UBE2W: variants seen among roughly 807,000 people sequenced by gnomAD.
UBE2W encodes the protein ubiquitin conjugating enzyme E2 W.
In UBE2W, 18 loss-of-function variants were observed where a neutral mutation model predicts 27.2. The observed-to-expected ratio is 0.66, with a 90% CI of 0.46 to 0.98. The LOEUF (loss-of-function observed/expected upper bound fraction) is 0.98. Ranked by LOEUF, UBE2W falls within the 50% of genes least tolerant of loss-of-function variation. The pLI, the probability that UBE2W is intolerant of heterozygous loss-of-function variation, is 0.00. For synonymous variants in UBE2W, 53 were observed against 57.2 expected, an observed-to-expected ratio of 0.93 and a Z score of 0.33; for missense variants, 90 against 180.2, an observed-to-expected ratio of 0.50 and a Z score of 2.87.
chr8:73,842,897 C>T (rs999874804), intron 1 of UBE2W, among the ~76,000 whole-genome samples: 1 of 152,114 alleles, frequency 6.6e-6, no homozygotes, highest in African/African-American at 2.4e-5. Context: ...ACATTCATAG[C>T]AGCATTATTC....
downstream of UBE2W, among the ~76,000 whole-genome samples, chr8:73,782,185 G>A (rs1329528546): frequency 2.0e-5 from 3 of 151,592 alleles, no homozygotes; most frequent in African/African-American, 4.9e-5. Context: ...TTGACCTCGT[G>A]ATCTGCCTGC....
chr8:73,798,421 C>A (rs1808510755), intron 5 of UBE2W, among the ~76,000 whole-genome samples: 1 of 152,160 alleles, frequency 6.6e-6, no homozygotes, highest in South Asian at 2.1e-4. Context: ...TATGTATATG[C>A]AAATATTCGA....
downstream of UBE2W, among the ~76,000 whole-genome samples, chr8:73,782,824 A>G (rs751150268): frequency 2.0e-5 from 3 of 152,244 alleles, no homozygotes; most frequent in African/African-American, 7.2e-5. Context: ...AGGTATGTGC[A>G]TAACTTTTAA....
chr8:73,787,974 T>C lies in UBE2W; in HGVS notation c.*6128A>G. ...GTTTAAGTGACTATCTTCATTCTGT[T>C]GCACTCATTTTGGAAATGGACATGT... is the stretch of plus-strand genomic sequence containing the variant. On this transcript the variant is annotated 3_prime_UTR_variant, in exon 6 of 6. Transcript: ENST00000602593. 1 of 985,432 alleles carries C rather than the reference T, an allele frequency of 1.0e-6. No individual in the cohort carries two copies. Among genetic ancestry groups the C allele is most frequent in the Non-Finnish European group, 1.2e-6 (1 of 829,902 alleles). 61.0% of individuals were successfully genotyped at this position (985,432 alleles called of 1,614,324 possible).
At chr8:73,806,182 A>G (rs1211108331) in intron 4 of UBE2W, among the ~76,000 whole-genome samples, 2 of 152,070 alleles carry the variant, frequency 1.3e-5, no homozygotes, top group East Asian at 3.9e-4. Context: ...AATTAAATAA[A>G]TTATAAAGGG....
exon 5 of UBE2W, chr8:73,780,368 G>T: frequency 2.6e-6 from 1 of 386,344 alleles, no homozygotes; most frequent in Admixed American, 3.0e-5. Context: ...ATTCTACTTC[G>T]GTATAACCTC....
Position 73,788,209 on chromosome 8 carries a change from C to A in UBE2W, c.*5893G>T. On this transcript the variant is annotated 3_prime_UTR_variant, in exon 6 of 6. Transcript: ENST00000602593. ...CTGCATTCAACTAACAAGTCTGATA[C>A]ATGTATTAAAAAATATATAACATAG... is the stretch of plus-strand genomic sequence containing the variant. 1 of 941,090 alleles carries A rather than the reference C, an allele frequency of 1.1e-6. No individual in the cohort carries two copies. The highest frequency in any genetic ancestry group is 1.3e-6 in the Non-Finnish European group (1 of 789,838). The allele number at this position is 941,090 out of a possible 1,614,324, so 58.3% of individuals were successfully genotyped here.
intron 1 of UBE2W, among the ~76,000 whole-genome samples, chr8:73,854,968 T>G (rs79778747): frequency 6.6e-6 from 1 of 152,242 alleles, no homozygotes; most frequent in East Asian, 1.9e-4. Flanking sequence ...GCTGTATTTA[T>G]CAATACGGTA....
At chr8:73,860,373 C>T (rs940482032) in intron 1 of UBE2W, among the ~76,000 whole-genome samples, 1 of 152,128 alleles carries the variant, frequency 6.6e-6, no homozygotes, top group African/African-American at 2.4e-5. Flanking sequence ...GGCAAGAAGG[C>T]AATATACTCA....
intron 1 of UBE2W, among the ~76,000 whole-genome samples, chr8:73,845,142 C>G (rs1010527015): frequency 2.4e-4 from 24 of 99,058 alleles, no homozygotes; most frequent in Non-Finnish European, 4.3e-4. Flanking sequence ...GTGGTGGGCG[C>G]CTCTGCCCGG....
chr8:73,818,434 T>C (rs1809479744), intron 3 of UBE2W, among the ~76,000 whole-genome samples: 1 of 152,196 alleles, frequency 6.6e-6, no homozygotes, highest in Non-Finnish European at 1.5e-5. Flanking sequence ...GCCAGACTGT[T>C]CCTTTTAACT....
intron 1 of UBE2W, among the ~76,000 whole-genome samples, chr8:73,838,035 T>C (rs1166277789): frequency 5.3e-5 from 8 of 152,170 alleles, no homozygotes. Flanking sequence ...AGCCCTTACC[T>C]TGTGTTGGTT....
At position 73,792,445 on chromosome 8, in the gene UBE2W, C is replaced by T; in HGVS notation, c.*1657G>A. Reference sequence around the variant, plus strand: ...TACTTTGAGTGTAAAATTATATGCCCTTAATTAACAACATGTACAAAGCTA... The same window carrying T: ...TACTTTGAGTGTAAAATTATATGCCTTTAATTAACAACATGTACAAAGCTA... On this transcript the variant is annotated 3_prime_UTR_variant, in exon 6 of 6. Coordinates refer to ENST00000602593, the MANE Select transcript of UBE2W (RefSeq NM_018299.6). 1.0e-6 allele frequency: 1 copy of T among 985,430 alleles called. No homozygotes were observed. Among genetic ancestry groups the T allele is most frequent in the African/African-American group, 1.7e-5 (1 of 57,274 alleles). 61.0% of individuals were successfully genotyped at this position (985,430 alleles called of 1,614,324 possible). A position where few individuals can be genotyped will look rare whatever the true frequency, so the allele number is the denominator to read the frequency against.
chr8:73,811,526 G>A (rs1042400989), intron 3 of UBE2W, among the ~76,000 whole-genome samples: 5 of 151,846 alleles, frequency 3.3e-5, no homozygotes, highest in Admixed American at 3.3e-4. Flanking sequence ...TTATTCTACA[G>A]GTTAGCAGTA....
chr8:73,840,173 C>A (rs1480303433), intron 1 of UBE2W, among the ~76,000 whole-genome samples: 1 of 152,214 alleles, frequency 6.6e-6, no homozygotes, highest in Admixed American at 6.5e-5. Context: ...TCTCCTGCCT[C>A]AGCCTCCTGA....
intron 1 of UBE2W, chr8:73,831,062 C>CTGGG: frequency 5.2e-6 from 1 of 193,760 alleles, no homozygotes; most frequent in Non-Finnish European, 1.1e-5. Context: ...CTCCACATCC[C>CTGGG]TTCCCTCATG....
At chr8:73,865,869 G>A (rs1811733661) in intron 1 of UBE2W, among the ~76,000 whole-genome samples, 1 of 152,114 alleles carries the variant, frequency 6.6e-6, no homozygotes, top group African/African-American at 2.4e-5. Context: ...AAGGCAAGGT[G>A]GTTATACTAG....
downstream of UBE2W, among the ~76,000 whole-genome samples, chr8:73,782,888 G>A (rs1807869132): frequency 6.6e-6 from 1 of 152,214 alleles, no homozygotes; most frequent in Admixed American, 6.6e-5. Flanking sequence ...ATTCCCACCT[G>A]CAGTGTAGGA....
chr8:73,866,196 G>A (rs1318104669), intron 1 of UBE2W, among the ~76,000 whole-genome samples: 2 of 148,456 alleles, frequency 1.3e-5, no homozygotes, highest in African/African-American at 2.5e-5. Context: ...GCTTGAACCC[G>A]GGGGGTGGAG....
Sources: gnomAD v4.1 joint callset for allele counts (sites outside exome capture counted in the v4.1 genomes callset) on GRCh38, gnomAD v4.1.1 for gene constraint, MANE v1.5 for transcripts, NCBI Gene and HGNC (gene_info 2026-07-23, HGNC 2026-07-21) for gene names.